The following CLK3 variants were observed in gnomAD, a reference collection of about 807,000 sequenced individuals.
CLK3 encodes CDC like kinase 3, also known as dual specificity protein kinase CLK3.
In CLK3, 24 loss-of-function variants were observed where a neutral mutation model predicts 65.2. The observed-to-expected ratio is 0.37, with a 90% CI of 0.27 to 0.52. CLK3 has a LOEUF of 0.52. Among genes scored for constraint, CLK3 ranks in the 20% least tolerant of loss-of-function variants. The pLI is 0.92. For synonymous variants in CLK3, 252 were observed against 240.8 expected (o/e 1.05, Z -0.43); for missense variants, 506 against 660.0 (o/e 0.77, Z 2.56).
At chr15:74,629,682 T>G (rs1191072983) in intron 12 of CLK3, 25 bp from the exon 13 acceptor site, 3 of 1,590,580 alleles carry the variant, frequency 1.9e-6, no homozygotes, top group Middle Eastern at 2.0e-4. Flanking sequence ...GCCGTCACAC[T>G]GAGGCACCTT....
At position 74,616,675 on chromosome 15, in the gene CLK3, T is replaced by C. The variant is rs185724104; in HGVS notation, c.-1+777T>C. On this transcript the variant is annotated intron_variant, in intron 1 of 12. Coordinates refer to ENST00000395066, the MANE Select transcript of CLK3 (RefSeq NM_001130028.2). The stretch of plus-strand genomic sequence containing the variant: ...TTGAAAAGGAGGAGCGTTTCACCGT[T>C]GGTGGTGGAGGCTTGCGAGGTGGCA... Among the ~76,000 whole-genome samples the C allele has an allele frequency of 1.1e-3, 169 of 152,286 alleles. 1 individual carries two copies. The highest frequency in any genetic ancestry group is 3.4e-3 in the Middle Eastern group (1 of 294).
At chr15:74,616,397 A>C (rs889104779) in intron 1 of CLK3, among the ~76,000 whole-genome samples, 7 of 152,210 alleles carry the variant, frequency 4.6e-5, no homozygotes, top group Admixed American at 2.0e-4. Flanking sequence ...CTGGGGCGGC[A>C]GGAAGGGACG....
upstream of CLK3, chr15:74,613,363 G>A (rs1306054334): frequency 1.3e-5 from 2 of 152,248 alleles, no homozygotes; most frequent in Non-Finnish European, 1.5e-5. Context: ...AGTGGAGGTG[G>A]AGCAAGCCTC....
In CLK3 at chr15:74,619,406, G is replaced by C. The variant is rs1009709002; in HGVS notation, c.152+58G>C. 7 of 1,583,122 alleles carry C rather than the reference G, an allele frequency of 4.4e-6. No individual in the cohort carries two copies. The African/African-American group carries it at 9.4e-5, about 21-fold the overall frequency. ...CTTCTGTCAGCTGGGCTCAGCTGTGGCAGCTCCAGACTCCTTGAGATGACT... is the reference window on the plus strand; with the variant it reads ...CTTCTGTCAGCTGGGCTCAGCTGTGCCAGCTCCAGACTCCTTGAGATGACT... On this transcript the variant is annotated intron_variant, in intron 2 of 12. Coordinates refer to ENST00000395066, the MANE Select transcript of CLK3 (RefSeq NM_001130028.2).
intron 7 of CLK3, 40 bp downstream of exon 7, chr15:74,626,008 G>A (rs939644037): frequency 6.2e-7 from 1 of 1,605,490 alleles, no homozygotes; most frequent in Non-Finnish European, 8.5e-7. Flanking sequence ...GCAGCCACAT[G>A]CCTGCAGCCA....
chr15:74,627,173 G>A lies in CLK3; in HGVS notation c.818-179G>A, dbSNP rs2062150265. 3.0e-5 allele frequency: 22 copies of A among 722,372 alleles called. No homozygotes were observed. Among genetic ancestry groups the A allele is most frequent in the South Asian group, 2.3e-4 (16 of 69,354 alleles). 44.7% of individuals were successfully genotyped at this position (722,372 alleles called of 1,614,324 possible). ...GTATCAGAACCCTCCAAGGCCTCAA[G>A]TACAGAGAACCCTTGAGAGGGAGGC... On this transcript the variant is annotated intron_variant, in intron 7 of 12. Transcript: ENST00000395066. The surrounding 1 kb of genome is among the most constrained non-coding windows in gnomAD (Gnocchi z 4.3).
At chr15:74,611,810 C>G (rs1379174354), upstream of CLK3, among the ~76,000 whole-genome samples, 1 of 152,246 alleles carries the variant, frequency 6.6e-6, no homozygotes, top group African/African-American at 2.4e-5. Context: ...GAGAACAGGA[C>G]AGATCCTGGA....
intron 12 of CLK3, chr15:74,629,407 G>T (rs1357317956): frequency 1.9e-6 from 1 of 537,304 alleles, no homozygotes; most frequent in Non-Finnish European, 3.4e-6. Flanking sequence ...ACTGCATTTG[G>T]TGCTCGGACA....
At chr15:74,609,392 C>T (rs1426503651) in intron 1 of CLK3, among the ~76,000 whole-genome samples, 4 of 152,232 alleles carry the variant, frequency 2.6e-5, no homozygotes, top group African/African-American at 9.6e-5. Flanking sequence ...TGGAGTGTCA[C>T]TGTGTGGACG....
At position 74,628,025 on chromosome 15, in the gene CLK3, G is replaced by A; in HGVS notation, c.1098G>A (p.Glu366=). 6.2e-7 allele frequency: 1 copy of A among 1,613,586 alleles called. No homozygotes were observed. The highest frequency in any genetic ancestry group is 2.2e-5 in the East Asian group (1 of 44,884). Residue 366 remains glutamate, a synonymous_variant, in exon 10 of 13, where the codon GAG becomes GAA. Coordinates refer to ENST00000395066, the MANE Select transcript of CLK3 (RefSeq NM_001130028.2). Reference sequence around the variant, plus strand: ...GGAGCATTGGCTGCATTCTCTTTGAGTACTACCGGGGCTTCACACTCTTCC... The same window carrying A: ...GGAGCATTGGCTGCATTCTCTTTGAATACTACCGGGGCTTCACACTCTTCC... ...DVWSIGCILF[E]YYRGFTLFQT...
rs762910236 is a variant in CLK3, at chr15:74,629,049, C to T, written c.1296+17C>T. 4.4e-6 allele frequency: 7 copies of T among 1,588,614 alleles called. No individual in the cohort carries two copies. In the Admixed American group the frequency reaches 1.2e-4, roughly 26 times the overall value. ...CCTCTGAAGGTCAGTTTCTGGCTACCCCCAGCTGAACTCATGCCAAGGAGA... is the reference window on the plus strand; with the variant it reads ...CCTCTGAAGGTCAGTTTCTGGCTACTCCCAGCTGAACTCATGCCAAGGAGA... On this transcript the variant is annotated intron_variant, in intron 12 of 12. Coordinates refer to ENST00000395066, the MANE Select transcript of CLK3 (RefSeq NM_001130028.2).
At chr15:74,628,134 A>G (rs770433546) in intron 10 of CLK3, 82 bp downstream of exon 10, 30 of 901,498 alleles carry the variant, frequency 3.3e-5, no homozygotes, top group Non-Finnish European at 5.0e-5. Context: ...GAAGCCCCAC[A>G]TGGATGAGAA....
chr15:74,617,641 A>G (rs1252823512), intron 1 of CLK3, among the ~76,000 whole-genome samples: 1 of 152,252 alleles, frequency 6.6e-6, no homozygotes, highest in Non-Finnish European at 1.5e-5. Context: ...TCTAGGTCCC[A>G]GGAGGTAGTC....
chr15:74,615,658 C>G (rs2062048584), upstream of CLK3: 4 of 1,247,096 alleles, frequency 3.2e-6, no homozygotes, highest in South Asian at 1.3e-4. Context: ...CTCGTCCCCT[C>G]GGCCCTCCCG....
intron 2 of CLK3, 94 bp from the exon 3 acceptor site, chr15:74,619,915 C>T (rs2062087842): frequency 1.9e-6 from 3 of 1,571,868 alleles, no homozygotes; most frequent in African/African-American, 1.3e-5. Flanking sequence ...ACAGGCTGTC[C>T]CCCTTTAGCC....
upstream of CLK3, among the ~76,000 whole-genome samples, chr15:74,614,104 C>T (rs1039774079): frequency 6.6e-6 from 1 of 152,170 alleles, no homozygotes; most frequent in African/African-American, 2.4e-5. Context: ...ATCTCTGCCT[C>T]CCGGGTTTAA....
At chr15:74,614,630 C>G (rs1020661705), upstream of CLK3, among the ~76,000 whole-genome samples, 1 of 152,268 alleles carries the variant, frequency 6.6e-6, no homozygotes, top group Non-Finnish European at 1.5e-5. Context: ...GGGAGAGCCG[C>G]TGGCGAAGGA....
upstream of CLK3, chr15:74,615,576 C>T (rs2141533759): frequency 1.6e-6 from 2 of 1,266,560 alleles, no homozygotes; most frequent in Non-Finnish European, 2.0e-6. Flanking sequence ...GCCCAGCCGG[C>T]CCGGGCCGCG....
chr15:74,629,218 T>C, intron 12 of CLK3, 186 bp downstream of exon 12: 1 of 699,180 alleles, frequency 1.4e-6, no homozygotes, highest in Non-Finnish European at 2.6e-6. Flanking sequence ...AGAGGGGCCC[T>C]TAGCCCTACC....
Sources: allele counts gnomAD v4.1 joint callset (sites outside exome capture counted in the v4.1 genomes callset), GRCh38; gene constraint gnomAD v4.1.1; non-coding constraint Gnocchi (gnomAD v3.1); transcripts MANE v1.5; gene names NCBI Gene and HGNC (gene_info 2026-07-23, HGNC 2026-07-21).